Variants in TNN observed in about 807,000 individuals in gnomAD.
TNN encodes the protein tenascin-N.
A neutral mutation model predicts 134.4 loss-of-function variants in TNN; 122 were observed. That is an observed-to-expected ratio of 0.91 (90% CI 0.78 to 1.06). TNN has a LOEUF of 1.06. Ranked by LOEUF, TNN falls within the 50% of genes least tolerant of loss-of-function variation. The pLI is 0.00. For synonymous variants in TNN, 710 were observed against 670.3 expected (o/e 1.06, Z -0.91); for missense variants, 1,739 against 1,699.4 (o/e 1.02, Z -0.41).
At chr1:175,125,707 T>C (rs1220620342) in intron 12 of TNN, among the ~76,000 whole-genome samples, 4 of 10,054 alleles carry the variant, frequency 4.0e-4, no homozygotes, top group East Asian at 1.7e-3. Flanking sequence ...TTTTCTCTCT[T>C]TCTTTCTTTC....
Position 175,114,616 on chromosome 1 carries a change from T to A in TNN, c.2120-2323T>A, listed in dbSNP as rs899741373. Among the ~76,000 whole-genome samples the A allele has an allele frequency of 2.6e-5, 4 of 152,256 alleles. 1 individual carries two copies. Among genetic ancestry groups the A allele is most frequent in the Non-Finnish European group, 2.9e-5 (2 of 68,016 alleles). On this transcript the variant is annotated intron_variant, in intron 9 of 18. Transcript: ENST00000239462. ...ACTTGAGTCTTGGGATGCAGAGTGATCTCTGTGTCAGGGCTGGATATAGGA... is the reference window on the plus strand; with the variant it reads ...ACTTGAGTCTTGGGATGCAGAGTGAACTCTGTGTCAGGGCTGGATATAGGA...
intron 6 of TNN, 59 bp from the exon 7 acceptor site, chr1:175,093,931 A>G: frequency 6.5e-7 from 1 of 1,542,092 alleles, no homozygotes; most frequent in Non-Finnish European, 8.8e-7. Context: ...TTAACAATCT[A>G]TGATCTTGAC....
rs1406812646 is a variant in TNN at position 175,147,022 on chromosome 1, T to C, written c.3851T>C (p.Val1284Ala). 1 of 1,602,962 alleles carries C rather than the reference T, an allele frequency of 6.2e-7. No individual in the cohort carries two copies. The highest frequency in any genetic ancestry group is 1.7e-5 in the Admixed American group (1 of 58,520). The part of the protein sequence containing the change: ...IRPHGYSREP[V>A]LGRKKRTLRG... ...CCTCATGGCTACAGCAGGGAGCCTG[T>C]CCTGGGCAGAAAGAAGCGGACGCTG... Residue 1284 changes from valine (V) to alanine (A), a missense_variant, in exon 19 of 19, where the codon GTC (valine) becomes GCC (alanine). Physicochemically the swap from Val to Ala is moderately conservative, Grantham distance 64 (BLOSUM62 0). Transcript: ENST00000239462.
chr1:175,070,337 C>A (rs1318524901), intron 1 of TNN, among the ~76,000 whole-genome samples: 1 of 152,016 alleles, frequency 6.6e-6, no homozygotes, highest in Non-Finnish European at 1.5e-5. Context: ...ACAAAATGAG[C>A]CTGTGGTCAC....
chr1:175,103,929 T>C lies in TNN; in HGVS notation c.2119+5334T>C, dbSNP rs1339360617. The stretch of plus-strand genomic sequence containing the variant: ...CTGTGCGGGCATTTTTTTGCCCTTC[T>C]AAATTGTCCTTCCAATGCCCAGACT... On this transcript the variant is annotated intron_variant, in intron 9 of 18. Coordinates refer to ENST00000239462, the MANE Select transcript of TNN (RefSeq NM_022093.2). Among the ~76,000 whole-genome samples, 19 of 145,862 alleles carry C rather than the reference T, an allele frequency of 1.3e-4. 1 individual carries two copies. The highest frequency in any genetic ancestry group is 1.2e-3 in the Admixed American group (18 of 14,458).
In TNN at chr1:175,130,491, G is replaced by A. The variant is rs1446853174; in HGVS notation, c.3330+1745G>A. On this transcript the variant is annotated intron_variant, in intron 15 of 18. Coordinates refer to ENST00000239462, the MANE Select transcript of TNN (RefSeq NM_022093.2). ...TGCTTTTCATCAGCACCATTGTAAG[G>A]CTAAGCATTCTGTCCCTTCAGGCCT... Among the ~76,000 whole-genome samples the A allele has an allele frequency of 2.6e-5, 4 of 152,300 alleles. No individual in the cohort carries two copies. The East Asian group carries it at 5.8e-4, about 22-fold the overall frequency.
intron 9 of TNN, among the ~76,000 whole-genome samples, chr1:175,115,349 C>CACT (rs760045953): frequency 0.2 from 29,831 of 152,122 alleles, 3,032 homozygotes; most frequent in Non-Finnish European, 0.22. Flanking sequence ...GAAACTAGTG[C>CACT]AGTTTCAGCT....
Position 175,106,479 on chromosome 1 carries a change from G to A in TNN, c.2119+7884G>A, listed in dbSNP as rs984903564. Among the ~76,000 whole-genome samples, 9 of 145,702 alleles carry A rather than the reference G, an allele frequency of 6.2e-5. 1 individual carries two copies. The highest frequency in any genetic ancestry group is 2.3e-4 in the East Asian group (1 of 4,314). On this transcript the variant is annotated intron_variant, in intron 9 of 18. Coordinates refer to ENST00000239462, the MANE Select transcript of TNN (RefSeq NM_022093.2). ...CTGTGTCTTTCTGATTGGTGAGCCC[G>A]GGTGCCTAAAGAAGGTAACAGAGTC...
At chr1:175,101,136 C>T (rs914464699) in intron 9 of TNN, among the ~76,000 whole-genome samples, 14 of 152,182 alleles carry the variant, frequency 9.2e-5, no homozygotes, top group Non-Finnish European at 1.5e-4. Context: ...TGCGGACCCT[C>T]GCGGTGAGTG....
At chr1:175,097,070 A>G (rs1191321456) in intron 7 of TNN, among the ~76,000 whole-genome samples, 1 of 152,254 alleles carries the variant, frequency 6.6e-6, no homozygotes, top group Non-Finnish European at 1.5e-5. Flanking sequence ...ATTGCTTTCT[A>G]GTACAAGGAG....
chr1:175,120,584 G>C (rs554044398), intron 11 of TNN, among the ~76,000 whole-genome samples: 5 of 152,328 alleles, frequency 3.3e-5, no homozygotes, highest in Non-Finnish European at 7.3e-5. Context: ...ATTGTAGCCA[G>C]TGGGAAGAGG....
intron 9 of TNN, among the ~76,000 whole-genome samples, chr1:175,108,140 C>A (rs900415505): frequency 2.0e-5 from 3 of 152,060 alleles, no homozygotes; most frequent in African/African-American, 7.2e-5. Flanking sequence ...ACCAGAGCAG[C>A]TAGATACGGA....
chr1:175,132,888 C>G (rs930876130), intron 15 of TNN, among the ~76,000 whole-genome samples: 2 of 152,372 alleles, frequency 1.3e-5, no homozygotes, highest in Admixed American at 1.3e-4. Flanking sequence ...GTAACCTACT[C>G]TCTCTTCCCG....
chr1:175,074,905 G>A (rs1034627911), intron 1 of TNN, among the ~76,000 whole-genome samples: 9 of 152,244 alleles, frequency 5.9e-5, no homozygotes, highest in African/African-American at 2.2e-4. Context: ...ATGGGTCTGC[G>A]TTTGAATCCT....
intron 1 of TNN, among the ~76,000 whole-genome samples, chr1:175,070,629 A>G (rs757540973): frequency 3.9e-5 from 6 of 152,216 alleles, no homozygotes; most frequent in South Asian, 2.1e-4. Context: ...CTTGTATCCT[A>G]TATGCAATCC....
At chr1:175,104,408 A>G (rs570211913) in intron 9 of TNN, among the ~76,000 whole-genome samples, 1 of 145,768 alleles carries the variant, frequency 6.9e-6, no homozygotes, top group Admixed American at 6.9e-5. Context: ...GGGGCAGTGC[A>G]CCTTCCAGTG....
intron 4 of TNN, among the ~76,000 whole-genome samples, chr1:175,080,847 A>C (rs1467646220): frequency 6.6e-6 from 1 of 152,334 alleles, no homozygotes; most frequent in East Asian, 1.9e-4. Context: ...GGGGTAAATG[A>C]AATTTCAAAG....
chr1:175,127,544 C>T (rs1175728911), intron 13 of TNN, among the ~76,000 whole-genome samples: 2 of 152,184 alleles, frequency 1.3e-5, no homozygotes, highest in Non-Finnish European at 2.9e-5. Flanking sequence ...CTTATGACAG[C>T]ACAGCTAGGA....
At chr1:175,136,042 G>GCCCCAGTGGCAGGGAGA (rs1321654928) in intron 16 of TNN, 101 bp downstream of exon 16, 1 of 817,776 alleles carries the variant, frequency 1.2e-6, no homozygotes, top group African/African-American at 1.7e-5. Context: ...TCACAGAGAG[G>GCCCCAGTGGCAGGGAGA]CCCCAGTGGC....
Sources: allele counts gnomAD v4.1 joint callset (sites outside exome capture counted in the v4.1 genomes callset), GRCh38; gene constraint gnomAD v4.1.1; transcripts MANE v1.5; gene names NCBI Gene and HGNC (gene_info 2026-07-23, HGNC 2026-07-21).